METTL15: variants seen among roughly 807,000 people sequenced by gnomAD.
METTL15 encodes the protein 12S rRNA N(4)-cytidine methyltransferase METTL15.
In METTL15, 34 loss-of-function variants were observed where a neutral mutation model predicts 38.3. The ratio of observed to expected loss-of-function variants is 0.89; its 90% confidence interval spans 0.68 to 1.18. METTL15 has a LOEUF of 1.18. Among genes scored for constraint, METTL15 ranks in the 50% most tolerant of loss-of-function variants. METTL15 has a pLI of 0.00. For missense variants in METTL15, 438 were observed against 498.4 expected (o/e 0.88, Z 1.15); for synonymous variants, 162 against 170.9 (o/e 0.95, Z 0.41).
chr11:28,377,389 C>T (rs574258485), intron 5 of METTL15, among the ~76,000 whole-genome samples: 113 of 152,264 alleles, frequency 7.4e-4, no homozygotes, highest in African/African-American at 2.7e-3. Context: ...AACTTTCCTT[C>T]TCGCTTCATT....
chr11:28,529,997 T>C (rs1226999723), downstream of METTL15, among the ~76,000 whole-genome samples: 1 of 152,152 alleles, frequency 6.6e-6, no homozygotes, highest in African/African-American at 2.4e-5. Flanking sequence ...CTGGTCCTAT[T>C]TGCTACCAAA....
At chr11:28,482,281 A>G (rs1851401960) in intron 6 of METTL15, among the ~76,000 whole-genome samples, 1 of 152,166 alleles carries the variant, frequency 6.6e-6, no homozygotes, top group Non-Finnish European at 1.5e-5. Flanking sequence ...CATTATGCCT[A>G]TTTGGAGATT....
At chr11:28,348,111 A>T (rs1441639115) in intron 3 of METTL15, among the ~76,000 whole-genome samples, 1 of 152,178 alleles carries the variant, frequency 6.6e-6, no homozygotes, top group Non-Finnish European at 1.5e-5. Flanking sequence ...GATTAAGATT[A>T]CGTCCACCAG....
At chr11:28,259,518 T>A (rs1855112965) in intron 4 of METTL15, among the ~76,000 whole-genome samples, 1 of 152,172 alleles carries the variant, frequency 6.6e-6, no homozygotes, top group Non-Finnish European at 1.5e-5. Context: ...GAGCTCTTTA[T>A]CCGTTGGTGG....
chr11:28,219,993 T>C (rs1018959735), intron 4 of METTL15, among the ~76,000 whole-genome samples: 1 of 152,220 alleles, frequency 6.6e-6, no homozygotes, highest in African/African-American at 2.4e-5. Context: ...ATGTGGTCAA[T>C]TTTGGAATAA....
intron 6 of METTL15, among the ~76,000 whole-genome samples, chr11:28,517,698 A>C (rs549463246): frequency 7.9e-5 from 12 of 152,280 alleles, no homozygotes; most frequent in African/African-American, 2.9e-4. Flanking sequence ...CTCAACTGTC[A>C]TTGCCATTTA....
At chr11:28,365,494 T>C (rs1484031614) in intron 5 of METTL15, among the ~76,000 whole-genome samples, 1 of 152,226 alleles carries the variant, frequency 6.6e-6, no homozygotes, top group Non-Finnish European at 1.5e-5. Context: ...AGATTGTTTG[T>C]ATTTCTATGG....
intron 3 of METTL15, among the ~76,000 whole-genome samples, chr11:28,154,436 T>C (rs1850195673): frequency 6.6e-6 from 1 of 152,156 alleles, no homozygotes; most frequent in Non-Finnish European, 1.5e-5. Context: ...GGGCTTTGTT[T>C]ATTAATTTTG....
chr11:28,387,129 T>C (rs1850448944), intron 5 of METTL15, among the ~76,000 whole-genome samples: 1 of 151,900 alleles, frequency 6.6e-6, no homozygotes, highest in Admixed American at 6.6e-5. Context: ...ATCAACAACT[T>C]AATTTTATGC....
intron 3 of METTL15, among the ~76,000 whole-genome samples, chr11:28,200,205 G>A (rs1304021016): frequency 6.6e-6 from 1 of 152,106 alleles, no homozygotes; most frequent in East Asian, 1.9e-4. Context: ...GCAGGAGACA[G>A]AATTGTTTTT....
chr11:28,479,157 G>C (rs1024455430), intron 6 of METTL15, among the ~76,000 whole-genome samples: 1 of 151,796 alleles, frequency 6.6e-6, no homozygotes, highest in Non-Finnish European at 1.5e-5. Flanking sequence ...TAAAGGAAAG[G>C]GTTGTTGCTA....
Position 28,269,560 on chromosome 11 carries a change from A to T in METTL15, c.408-20646A>T, listed in dbSNP as rs1855562098. On this transcript the variant is annotated intron_variant, in intron 4 of 6. Transcript: ENST00000407364. The stretch of plus-strand genomic sequence containing the variant: ...CTGCATGTTGTTGTTATTACTATGG[A>T]TATGGATGTTGATTAGCTGCATAGT... 2.6e-5 allele frequency among the ~76,000 whole-genome samples: 4 copies of T among 152,052 alleles called. No individual in the cohort carries two copies. The South Asian group carries it at 8.3e-4, about 31-fold the overall frequency.
chr11:28,496,851 T>C (rs961770915), intron 6 of METTL15, among the ~76,000 whole-genome samples: 4 of 152,212 alleles, frequency 2.6e-5, no homozygotes, highest in South Asian at 2.1e-4. Context: ...TCAGGCTGCA[T>C]CATTAAAACT....
At chr11:28,114,960 A>G (rs1851878113) in intron 3 of METTL15, among the ~76,000 whole-genome samples, 1 of 152,212 alleles carries the variant, frequency 6.6e-6, no homozygotes, top group Admixed American at 6.5e-5. Flanking sequence ...GAGCTTCTTG[A>G]GAATTTTATT....
At chr11:28,368,152 C>CAAAAAAAAAAAAAAAAAAAAAAAAA (rs572862749) in intron 5 of METTL15, among the ~76,000 whole-genome samples, 2 of 108,698 alleles carry the variant, frequency 1.8e-5, no homozygotes, top group African/African-American at 6.9e-5. Context: ...ACAAAAAAAA[C>CAAAAAAAAAAAAAAAAAAAAAAAAA]AAAAAAAAAA....
intron 4 of METTL15, among the ~76,000 whole-genome samples, chr11:28,359,622 G>T (rs943724301): frequency 6.6e-6 from 1 of 152,138 alleles, no homozygotes; most frequent in Non-Finnish European, 1.5e-5. Context: ...CATTCTGACT[G>T]GTGTGAGATG....
intron 3 of METTL15, among the ~76,000 whole-genome samples, chr11:28,350,054 A>T (rs1301607552): frequency 6.6e-6 from 1 of 152,132 alleles, no homozygotes; most frequent in Admixed American, 6.5e-5. Context: ...TATTAGATAA[A>T]AGCTCTGGCC....
chr11:28,222,087 C>G (rs571926702), intron 4 of METTL15, among the ~76,000 whole-genome samples: 2 of 152,186 alleles, frequency 1.3e-5, no homozygotes, highest in East Asian at 1.9e-4. Flanking sequence ...AGCTGTCAGA[C>G]AGGGATATTT....
Position 28,499,734 on chromosome 11 carries a change from C to G in METTL15, c.*425-26744C>G, listed in dbSNP as rs893683949. Reference sequence around the variant, plus strand: ...GATCACAAAAAAAGACACTGTTGGGCATTTCAGAGGTCAGGAACTGTAAGT... The same window carrying G: ...GATCACAAAAAAAGACACTGTTGGGGATTTCAGAGGTCAGGAACTGTAAGT... On this transcript the variant is annotated intron_variant and NMD_transcript_variant, in intron 6 of 7. Coordinates refer to the METTL15 transcript ENST00000532947. 2.0e-5 allele frequency among the ~76,000 whole-genome samples: 3 copies of G among 152,226 alleles called. No homozygotes were observed. In the East Asian group the frequency reaches 5.8e-4, roughly 30 times the overall value.
Sources: gnomAD v4.1 joint callset for allele counts (sites outside exome capture counted in the v4.1 genomes callset) on GRCh38, gnomAD v4.1.1 for gene constraint, MANE v1.5 for transcripts, NCBI Gene and HGNC (gene_info 2026-07-23, HGNC 2026-07-21) for gene names.